The following KIAA1217 variants were observed in gnomAD, a reference collection of about 807,000 sequenced individuals.
KIAA1217 encodes the protein sickle tail protein homolog.
In KIAA1217, 88 loss-of-function variants were observed where a neutral mutation model predicts 163.9. That is an observed-to-expected ratio of 0.54 (90% confidence interval 0.45 to 0.64). KIAA1217 has a LOEUF of 0.64. Ranked by LOEUF, KIAA1217 falls within the 30% of genes least tolerant of loss-of-function variation. The pLI is 0.00. For missense variants in KIAA1217, 2,372 were observed against 2,475.0 expected, an observed-to-expected ratio of 0.96 and a Z score of 0.88; for synonymous variants, 903 against 923.1, an observed-to-expected ratio of 0.98 and a Z score of 0.39.
chr10:23,796,125 T>C (rs1836190428), intron 1 of KIAA1217, among the ~76,000 whole-genome samples: 1 of 152,146 alleles, frequency 6.6e-6, no homozygotes, highest in African/African-American at 2.4e-5. Context: ...GATCTCTGTC[T>C]TCTTACATGC....
intron 1 of KIAA1217, among the ~76,000 whole-genome samples, chr10:23,992,357 T>G (rs1846254843): frequency 6.6e-6 from 1 of 152,286 alleles, no homozygotes; most frequent in Middle Eastern, 3.4e-3. Flanking sequence ...AAGATATCAG[T>G]GTTTCACGTG....
At chr10:24,520,076 T>G (rs1289089499) in intron 10 of KIAA1217, 47 bp from the exon 11 acceptor site, 45 of 1,571,276 alleles carry the variant, frequency 2.9e-5, no homozygotes, top group Non-Finnish European at 3.6e-5. Context: ...TCTTCCTCTG[T>G]GAGGCCTCGT....
chr10:23,800,368 G>A (rs1320958364), intron 1 of KIAA1217, among the ~76,000 whole-genome samples: 1 of 152,092 alleles, frequency 6.6e-6, no homozygotes, highest in Non-Finnish European at 1.5e-5. Flanking sequence ...GAAACTAGAG[G>A]TGGGTTTAAC....
chr10:23,841,403 C>T (rs918583905), intron 1 of KIAA1217, among the ~76,000 whole-genome samples: 6 of 152,076 alleles, frequency 3.9e-5, no homozygotes, highest in Admixed American at 1.3e-4. Flanking sequence ...ACACAGTCCT[C>T]GATGCACATA....
At chr10:24,241,749 A>G (rs1272578660) in intron 2 of KIAA1217, among the ~76,000 whole-genome samples, 2 of 152,202 alleles carry the variant, frequency 1.3e-5, no homozygotes. Flanking sequence ...TAAGAGACAA[A>G]TATGTTTTTC....
intron 1 of KIAA1217, among the ~76,000 whole-genome samples, chr10:23,860,242 T>C (rs561932761): frequency 6.6e-6 from 1 of 152,228 alleles, no homozygotes; most frequent in African/African-American, 2.4e-5. Flanking sequence ...TGCACATTTT[T>C]TTTTTTATCT....
chr10:24,543,953 G>C lies in KIAA1217; in HGVS notation c.4683G>C (p.Ala1561=). The C allele has an allele frequency of 6.2e-7, 1 of 1,614,026 alleles. No homozygotes were observed. The change falls in exon 19 of 21, where the codon GCG becomes GCC. Residue 1561 remains alanine, a synonymous_variant. Coordinates refer to ENST00000376454, the MANE Select transcript of KIAA1217 (RefSeq NM_019590.5). ...ATTCGGAATGCAAGGGTGAGGACGC[G>C]ACCGATGACCAGTTTGAAAGCCCCA... The part of the protein sequence containing the change: ...SPNSECKGED[A]TDDQFESPKK...
At position 23,790,058 on chromosome 10, in the gene KIAA1217, TAC is replaced by T. The variant is rs1391646129; in HGVS notation, c.-321+94828_-321+94829del. ...ACATATACATATGCATATACACATATACACATATGCATATACACATATACACA... is the reference window on the plus strand; with the variant it reads ...ACATATACATATGCATATACACATATACATATGCATATACACATATACACA... On this transcript the variant is annotated intron_variant, in intron 1 of 18. Transcript: ENST00000376462. Among the ~76,000 whole-genome samples the T allele has an allele frequency of 5.9e-4, 71 of 119,610 alleles. 2 individuals carry two copies. Among genetic ancestry groups the T allele is most frequent in the Admixed American group, 5.5e-3 (57 of 10,304 alleles). The allele number at this position is 119,610 out of a possible 152,430, so 78.5% of individuals were successfully genotyped here.
At chr10:24,172,355 A>G (rs889734795) in intron 2 of KIAA1217, among the ~76,000 whole-genome samples, 2 of 152,222 alleles carry the variant, frequency 1.3e-5, no homozygotes, top group African/African-American at 2.4e-5. Flanking sequence ...GAGACAAGAT[A>G]GACTGCTCTG....
chr10:23,797,739 C>T (rs1402714702), intron 1 of KIAA1217, among the ~76,000 whole-genome samples: 1 of 152,176 alleles, frequency 6.6e-6, no homozygotes, highest in South Asian at 2.1e-4. Context: ...AAATCTGCCC[C>T]TATGATCCCA....
At chr10:24,307,967 C>T (rs1484570402) in intron 2 of KIAA1217, among the ~76,000 whole-genome samples, 1 of 152,172 alleles carries the variant, frequency 6.6e-6, no homozygotes, top group Non-Finnish European at 1.5e-5. Context: ...GGGTCTCTGC[C>T]TGAGCCATAG....
chr10:23,809,725 CAATTAAAAAT>C (rs1301204443), intron 1 of KIAA1217, among the ~76,000 whole-genome samples: 2 of 151,664 alleles, frequency 1.3e-5, no homozygotes, highest in African/African-American at 4.8e-5. Flanking sequence ...GTAATGGCAA[CAATTAAAAAT>C]AAATTTTAAA....
intron 1 of KIAA1217, among the ~76,000 whole-genome samples, chr10:23,823,084 T>C (rs892258807): frequency 3.3e-5 from 5 of 152,210 alleles, no homozygotes; most frequent in Admixed American, 1.3e-4. Context: ...TAAGCATGCT[T>C]CACCTGGGTC....
At chr10:24,340,537 A>C (rs1389623941) in intron 2 of KIAA1217, among the ~76,000 whole-genome samples, 1 of 152,152 alleles carries the variant, frequency 6.6e-6, no homozygotes, top group African/African-American at 2.4e-5. Flanking sequence ...CTTTATCAGC[A>C]GCGTGAAAAC....
At chr10:23,888,620 A>C (rs1841286932) in intron 1 of KIAA1217, among the ~76,000 whole-genome samples, 2 of 151,882 alleles carry the variant, frequency 1.3e-5, no homozygotes, top group South Asian at 4.1e-4. Context: ...AGTAGAATAA[A>C]TGGTTTTAAG....
intron 1 of KIAA1217, among the ~76,000 whole-genome samples, chr10:23,723,935 C>A (rs549429519): frequency 6.6e-6 from 1 of 152,214 alleles, no homozygotes; most frequent in East Asian, 1.9e-4. Context: ...GTGGTTTCTG[C>A]TTTTGGGGAA....
intron 2 of KIAA1217, among the ~76,000 whole-genome samples, chr10:24,228,522 A>G (rs2070908204): frequency 6.6e-6 from 1 of 152,142 alleles, no homozygotes; most frequent in African/African-American, 2.4e-5. Context: ...TATTCTCACA[A>G]TGACTTAGGA....
intron 2 of KIAA1217, among the ~76,000 whole-genome samples, chr10:24,021,320 A>C (rs1430395232): frequency 6.6e-6 from 1 of 152,026 alleles, no homozygotes; most frequent in Non-Finnish European, 1.5e-5. Context: ...TCAACGATTG[A>C]AACTTTAAGT....
chr10:24,113,112 A>G (rs1462575349), intron 2 of KIAA1217, among the ~76,000 whole-genome samples: 2 of 152,108 alleles, frequency 1.3e-5, no homozygotes, highest in African/African-American at 4.8e-5. Context: ...TAAGCCACTC[A>G]GTTTGTGACA....
Sources: allele counts gnomAD v4.1 joint callset (sites outside exome capture counted in the v4.1 genomes callset), GRCh38; gene constraint gnomAD v4.1.1; transcripts MANE v1.5; gene names NCBI Gene and HGNC (gene_info 2026-07-23, HGNC 2026-07-21).